TMCC1: variants seen among roughly 807,000 people sequenced by gnomAD.
TMCC1 encodes transmembrane and coiled-coil domains protein 1.
In TMCC1, 15 loss-of-function variants were observed where a neutral mutation model predicts 52.4. That is an observed-to-expected ratio of 0.29 (90% CI 0.19 to 0.44). The LOEUF is 0.44. Among genes scored for constraint, TMCC1 ranks in the 20% least tolerant of loss-of-function variants. TMCC1 has a pLI of 1.00. For synonymous variants in TMCC1, 279 were observed against 301.9 expected (o/e 0.92, Z 0.79); for missense variants, 503 against 806.0 (o/e 0.62, Z 4.55).
chr3:129,705,956 T>C (rs1312328376), intron 4 of TMCC1, among the ~76,000 whole-genome samples: 2 of 147,216 alleles, frequency 1.4e-5, no homozygotes, highest in African/African-American at 2.5e-5. Context: ...AGTGGCACCA[T>C]CTCAGCTCAC....
intron 4 of TMCC1, among the ~76,000 whole-genome samples, chr3:129,687,889 A>G (rs1300852863): frequency 6.6e-6 from 1 of 152,254 alleles, no homozygotes; most frequent in African/African-American, 2.4e-5. Flanking sequence ...AAAAAAAAGC[A>G]TAATTATGAC....
intron 4 of TMCC1, among the ~76,000 whole-genome samples, chr3:129,724,207 A>G (rs889875685): frequency 1.3e-5 from 2 of 152,212 alleles, no homozygotes; most frequent in African/African-American, 4.8e-5. Context: ...AGTAATGGCA[A>G]TTCCAAAACA....
chr3:129,797,294 C>T (rs1451933248), intron 4 of TMCC1, among the ~76,000 whole-genome samples: 6 of 151,866 alleles, frequency 4.0e-5, no homozygotes, highest in East Asian at 1.9e-4. Flanking sequence ...CCACTGCACT[C>T]CAGCCTGGGC....
intron 4 of TMCC1, among the ~76,000 whole-genome samples, chr3:129,800,442 A>G (rs1211451697): frequency 6.6e-6 from 1 of 152,094 alleles, no homozygotes; most frequent in Non-Finnish European, 1.5e-5. Context: ...CACTCTTACA[A>G]TAATGTATGG....
chr3:129,716,501 AT>A (rs563370963), intron 4 of TMCC1, among the ~76,000 whole-genome samples: 21,101 of 124,800 alleles, frequency 0.17, 2,011 homozygotes, highest in African/African-American at 0.32. Context: ...CACCCAGCTA[AT>A]TTTTTTTTTT....
chr3:129,726,894 A>AAAAAAAAAAAAAAAAAAAAAAAC (rs2050145668), intron 4 of TMCC1, among the ~76,000 whole-genome samples: 1 of 143,670 alleles, frequency 7.0e-6, no homozygotes, highest in African/African-American at 2.6e-5. Flanking sequence ...AAAAAAAAAA[A>AAAAAAAAAAAAAAAAAAAAAAAC]AAAAGAACCA....
chr3:129,759,442 GT>G (rs1350573481), intron 4 of TMCC1, among the ~76,000 whole-genome samples: 1 of 151,308 alleles, frequency 6.6e-6, no homozygotes, highest in African/African-American at 2.4e-5. Flanking sequence ...TAATTTTTGT[GT>G]TTTTAGTAGA....
chr3:129,792,805 C>T (rs557224394), intron 4 of TMCC1, among the ~76,000 whole-genome samples: 2 of 152,174 alleles, frequency 1.3e-5, no homozygotes, highest in East Asian at 3.9e-4. Context: ...TGAAAAAAGG[C>T]TACATCTTTG....
chr3:129,797,761 A>G (rs2056932303), intron 4 of TMCC1, among the ~76,000 whole-genome samples: 1 of 152,166 alleles, frequency 6.6e-6, no homozygotes, highest in Non-Finnish European at 1.5e-5. Context: ...ACAAACAAAC[A>G]AATCTTTTAC....
At chr3:129,833,523 C>T (rs141507750) in intron 2 of TMCC1, among the ~76,000 whole-genome samples, 157 of 152,252 alleles carry the variant, frequency 1.0e-3, no homozygotes, top group African/African-American at 3.4e-3. Flanking sequence ...CGAGCTATGG[C>T]TGCACCACTG....
At chr3:129,760,947 C>A (rs1233129589) in intron 4 of TMCC1, among the ~76,000 whole-genome samples, 2 of 152,074 alleles carry the variant, frequency 1.3e-5, no homozygotes, top group Non-Finnish European at 2.9e-5. Context: ...CTTTAGAGTT[C>A]ATTCTTTGTG....
At chr3:129,883,130 AACACACACACACAC>A (rs59492665) in intron 1 of TMCC1, among the ~76,000 whole-genome samples, 1 of 146,792 alleles carries the variant, frequency 6.8e-6, no homozygotes, top group Non-Finnish European at 1.5e-5. Flanking sequence ...CTCTACTAAA[AACACACACACACAC>A]ACACACACAC....
At chr3:129,656,376 C>T (rs1399355220) in intron 5 of TMCC1, among the ~76,000 whole-genome samples, 1 of 152,224 alleles carries the variant, frequency 6.6e-6, no homozygotes, top group African/African-American at 2.4e-5. Flanking sequence ...TTAACATTAA[C>T]ACCAGCATGT....
chr3:129,721,504 A>AT (rs1266288618), intron 4 of TMCC1, among the ~76,000 whole-genome samples: 1 of 151,830 alleles, frequency 6.6e-6, no homozygotes, highest in African/African-American at 2.4e-5. Flanking sequence ...AGTCAGCTAC[A>AT]TTTTTTCTTC....
At position 129,648,821 on chromosome 3, in the gene TMCC1, TC is replaced by T. The variant is rs2086169554; in HGVS notation, c.*2659del. On this transcript the variant is annotated 3_prime_UTR_variant, in exon 7 of 7. Coordinates refer to ENST00000393238, the MANE Select transcript of TMCC1 (RefSeq NM_001017395.5). ...CAAGAACAACCACAATGAAAGAAAC[TC>T]AAAAGTAACAGGATGGGCAGCAAAA... 1 of 151,084 alleles carries T rather than the reference TC, an allele frequency of 6.6e-6. No homozygotes were observed. The allele number at this position is 151,084 out of a possible 1,614,324, so 9.4% of individuals were successfully genotyped here.
intron 4 of TMCC1, among the ~76,000 whole-genome samples, chr3:129,674,783 T>C (rs1342923370): frequency 6.6e-6 from 1 of 152,240 alleles, no homozygotes; most frequent in Non-Finnish European, 1.5e-5. Context: ...GGTTCCCTTT[T>C]TCAACAGCCT....
intron 4 of TMCC1, among the ~76,000 whole-genome samples, chr3:129,808,122 T>C (rs1287036127): frequency 1.4e-5 from 2 of 146,948 alleles, no homozygotes; most frequent in Admixed American, 1.3e-4. Context: ...GTCAAGGCTG[T>C]AGTGAGCTGC....
intron 2 of TMCC1, among the ~76,000 whole-genome samples, chr3:129,844,150 A>T (rs1378136379): frequency 6.6e-6 from 1 of 152,186 alleles, no homozygotes; most frequent in Non-Finnish European, 1.5e-5. Context: ...AACGCAGAAA[A>T]CACATTAGAC....
At chr3:129,668,632 T>C (rs2087663735) in intron 5 of TMCC1, among the ~76,000 whole-genome samples, 1 of 152,240 alleles carries the variant, frequency 6.6e-6, no homozygotes, top group Non-Finnish European at 1.5e-5. Context: ...AATTTATTTT[T>C]ATTTTCATTT....
Sources: allele counts gnomAD v4.1 joint callset (sites outside exome capture counted in the v4.1 genomes callset), GRCh38; gene constraint gnomAD v4.1.1; transcripts MANE v1.5; gene names NCBI Gene and HGNC (gene_info 2026-07-23, HGNC 2026-07-21).